Variants in PLRG1 observed in about 807,000 individuals in gnomAD.
PLRG1 encodes the protein pleiotropic regulator 1, also known as pleiotropic regulator 1 (PRL1 homolog, Arabidopsis).
In PLRG1, 28 loss-of-function variants were observed where a neutral mutation model predicts 74.9. That is an observed-to-expected ratio of 0.37 (90% CI 0.28 to 0.51). The LOEUF (loss-of-function observed/expected upper bound fraction) is 0.51. PLRG1 is among the 20% of genes least tolerant of loss of function. The probability of loss-of-function intolerance (pLI) is 0.91; values close to 1 mark genes in which losing one functional copy is unlikely to be tolerated. For synonymous variants in PLRG1, 197 were observed against 212.4 expected, an observed-to-expected ratio of 0.93 and a Z score of 0.63; for missense variants, 445 against 631.9, an observed-to-expected ratio of 0.70 and a Z score of 3.17.
chr4:154,536,781 T>C (rs1328517359), intron 14 of PLRG1, 37 bp from the exon 15 acceptor site: 1 of 1,159,352 alleles, frequency 8.6e-7, no homozygotes, highest in Non-Finnish European at 1.3e-6. Context: ...AAAGTATTAT[T>C]AGTTTGCTTC....
rs1729444026 is a variant in PLRG1 at position 154,536,116 on chromosome 4, T to G, written c.*569A>C. ...TCCCCCAGCATTTCACCTGCACCTC[T>G]GTTACAGAATTTCTATACTAAGCTA... On this transcript the variant is annotated 3_prime_UTR_variant, in exon 15 of 15. Coordinates refer to ENST00000499023, the MANE Select transcript of PLRG1 (RefSeq NM_002669.4). The G allele has an allele frequency of 6.5e-6, 1 of 153,226 alleles. No homozygotes were observed. Among genetic ancestry groups the G allele is most frequent in the South Asian group, 2.1e-4 (1 of 4,860 alleles). 9.5% of individuals were successfully genotyped at this position (153,226 alleles called of 1,614,324 possible).
At chr4:154,540,314 A>T in intron 10 of PLRG1, 1 of 581,236 alleles carries the variant, frequency 1.7e-6, no homozygotes. Flanking sequence ...TTTTAAGACT[A>T]CTGAATGAAA....
In PLRG1 at chr4:154,538,001, G is replaced by A. The variant is rs764376298; in HGVS notation, c.1259C>T (p.Thr420Met). 31 of 1,531,270 alleles carry A rather than the reference G, an allele frequency of 2.0e-5. 1 individual carries two copies. The highest frequency in any genetic ancestry group is 1.8e-4 in the Admixed American group (10 of 55,856). 94.9% of individuals were successfully genotyped at this position (1,531,270 alleles called of 1,614,324 possible). Residue 420 changes from threonine (T) to methionine (M), a missense_variant, in exon 13 of 15, where the codon ACG (threonine) becomes ATG (methionine). Coordinates refer to ENST00000499023, the MANE Select transcript of PLRG1 (RefSeq NM_002669.4). ...SGHNAIINTL[T>M]VNSDGVLVSG... The stretch of plus-strand genomic sequence containing the variant: ...TACAAGCACTCCATCAGAATTTACC[G>A]TCAATGTGTTAATAATAGCATTATG...
Position 154,550,400 on chromosome 4 carries a change from T to G in PLRG1, c.-92A>C, listed in dbSNP as rs753921506. 6.4e-6 allele frequency: 8 copies of G among 1,256,278 alleles called. No homozygotes were observed. The highest frequency in any genetic ancestry group is 8.2e-6 in the Non-Finnish European group (7 of 855,712). 77.8% of individuals were successfully genotyped at this position (1,256,278 alleles called of 1,614,324 possible). ...ACAGCTGTGCAGCACCTTCCGGAAT[T>G]GGGCGCCCAGGCGGCGGATGTGATG... On this transcript the variant is annotated 5_prime_UTR_variant, in exon 1 of 15. Coordinates refer to ENST00000499023, the MANE Select transcript of PLRG1 (RefSeq NM_002669.4).
In PLRG1 at chr4:154,538,019, G is replaced by C; in HGVS notation, c.1241C>G (p.Ala414Gly). The change falls in exon 13 of 15, where the codon GCT becomes GGT. Residue 414 changes from alanine (A) to glycine (G), a missense_variant. Transcript: ENST00000499023. ...SFIQNLSGHNAIINTLTVNSD... is the reference protein window; with the variant it reads ...SFIQNLSGHNGIINTLTVNSD... ...ATTTACCGTCAATGTGTTAATAATAGCATTATGACCGGAAAGATTTTGAAT... is the reference window on the plus strand; with the variant it reads ...ATTTACCGTCAATGTGTTAATAATACCATTATGACCGGAAAGATTTTGAAT... 6.4e-7 allele frequency: 1 copy of C among 1,555,778 alleles called. No individual in the cohort carries two copies. Among genetic ancestry groups the C allele is most frequent in the Non-Finnish European group, 8.8e-7 (1 of 1,138,458 alleles).
rs1054679572 is a variant in PLRG1 at position 154,536,746 on chromosome 4, TA to T, written c.1486-3del. The T allele has an allele frequency of 6.8e-7, 1 of 1,477,288 alleles. No individual in the cohort carries two copies. The highest frequency in any genetic ancestry group is 1.2e-5 in the South Asian group (1 of 80,750). 91.5% of individuals were successfully genotyped at this position (1,477,288 alleles called of 1,614,324 possible). Reference sequence around the variant, plus strand: ...GCTGACTGGATGAGTTTCTTCTGTCTAAAAATAGAAAAGTGAGTTAAAATAA... The same window carrying T: ...GCTGACTGGATGAGTTTCTTCTGTCTAAAATAGAAAAGTGAGTTAAAATAA... On this transcript the variant is annotated splice_region_variant and splice_polypyrimidine_tract_variant and intron_variant, in intron 14 of 14. Coordinates refer to ENST00000499023, the MANE Select transcript of PLRG1 (RefSeq NM_002669.4).
chr4:154,540,251 A>G, intron 10 of PLRG1, 198 bp from the exon 11 acceptor site: 1 of 584,542 alleles, frequency 1.7e-6, no homozygotes, highest in Non-Finnish European at 3.0e-6. Flanking sequence ...GAATTCTAAA[A>G]AGCTAAAAGA....
Position 154,542,081 on chromosome 4 carries a change from A to G in PLRG1, c.687+106T>C, listed in dbSNP as rs372240318. The G allele has an allele frequency of 7.1e-6, 5 of 708,542 alleles. No individual in the cohort carries two copies. The East Asian group carries it at 1.1e-4, about 15-fold the overall frequency. 43.9% of individuals were successfully genotyped at this position (708,542 alleles called of 1,614,324 possible). On this transcript the variant is annotated intron_variant, in intron 8 of 14. Coordinates refer to ENST00000499023, the MANE Select transcript of PLRG1 (RefSeq NM_002669.4). ...ATTTTACTCCTTATTCAGGTCTAAA[A>G]TAACAGAGGAACTGCAATAGCAATT... is the stretch of plus-strand genomic sequence containing the variant.
rs574631472 is a variant in PLRG1, at chr4:154,547,578, T to G, written c.259+133A>C. 5 of 746,450 alleles carry G rather than the reference T, an allele frequency of 6.7e-6. No individual in the cohort carries two copies. In the Admixed American group the frequency reaches 8.1e-5, roughly 12 times the overall value. 46.2% of individuals were successfully genotyped at this position (746,450 alleles called of 1,614,324 possible). A position where few individuals can be genotyped will look rare whatever the true frequency, so the allele number is the denominator to read the frequency against. On this transcript the variant is annotated intron_variant, in intron 3 of 14. Transcript: ENST00000499023. ...CCCATGAGGATCAAAACTTCCATTA[T>G]AATACAGGTACGGCCATTAAATACT...
rs1729453102 is a variant in PLRG1, at chr4:154,536,501, A to AC, written c.*183dup. 1 of 559,532 alleles carries AC rather than the reference A, an allele frequency of 1.8e-6. No homozygotes were observed. Among genetic ancestry groups the AC allele is most frequent in the Non-Finnish European group, 3.1e-6 (1 of 318,152 alleles). The allele number at this position is 559,532 out of a possible 1,614,324, so 34.7% of individuals were successfully genotyped here. A position where few individuals can be genotyped will look rare whatever the true frequency, so the allele number is the denominator to read the frequency against. On this transcript the variant is annotated 3_prime_UTR_variant, in exon 15 of 15. Coordinates refer to ENST00000499023, the MANE Select transcript of PLRG1 (RefSeq NM_002669.4). ...ATCACAAATTGTTTTAGAAATAAAA[A>AC]CACAGGGGTAGGGGACAGGGGACAG...
At chr4:154,547,639 A>C in intron 3 of PLRG1, 72 bp downstream of exon 3, 1 of 1,441,660 alleles carries the variant, frequency 6.9e-7, no homozygotes, top group Non-Finnish European at 9.7e-7. Context: ...GAGGGGCAAA[A>C]ATAACATATT....
intron 4 of PLRG1, 110 bp downstream of exon 4, chr4:154,546,901 T>C: frequency 1.2e-6 from 1 of 816,092 alleles, no homozygotes; most frequent in Non-Finnish European, 2.2e-6. Flanking sequence ...GATGCTTGGC[T>C]ACTGAGCTTA....
At position 154,538,324 on chromosome 4, in the gene PLRG1, A is replaced by C. The variant is rs116502409; in HGVS notation, c.1152-216T>G. Among the ~76,000 whole-genome samples, 359 of 152,178 alleles carry C rather than the reference A, an allele frequency of 2.4e-3. 2 individuals are homozygous for C. Among genetic ancestry groups the C allele is most frequent in the African/African-American group, 8.5e-3 (352 of 41,542 alleles). On this transcript the variant is annotated intron_variant, in intron 12 of 14. Transcript: ENST00000499023. ...AACAGTATATTTTAAGTCCTAGATT[A>C]ATGTTTTGTTCTCCTTTCATTTCCT...
chr4:154,539,298 A>C, intron 11 of PLRG1, 85 bp from the exon 12 acceptor site: 3 of 854,294 alleles, frequency 3.5e-6, no homozygotes, highest in Non-Finnish European at 5.9e-6. Flanking sequence ...CATTCTTCCA[A>C]AACACATATG....
At chr4:154,539,925 G>T in intron 11 of PLRG1, 26 bp downstream of exon 11, 1 of 1,073,106 alleles carries the variant, frequency 9.3e-7, no homozygotes, top group Non-Finnish European at 1.5e-6. Context: ...TGAATATTCT[G>T]TAAACTTGAA....
chr4:154,538,183 T>G (rs1729485667), intron 12 of PLRG1, 75 bp from the exon 13 acceptor site: 3 of 722,550 alleles, frequency 4.2e-6, no homozygotes, highest in Non-Finnish European at 6.5e-6. Flanking sequence ...AAAAGTTTAT[T>G]TCAGTTATAT....
intron 7 of PLRG1, 143 bp downstream of exon 7, chr4:154,544,301 TC>T (rs1254103773): frequency 3.8e-5 from 19 of 505,640 alleles, no homozygotes; most frequent in African/African-American, 3.2e-4. Context: ...TTTAAGATAC[TC>T]CCTACGACTC....
At chr4:154,548,584 A>G (rs1729700490) in intron 2 of PLRG1, among the ~76,000 whole-genome samples, 1 of 152,188 alleles carries the variant, frequency 6.6e-6, no homozygotes. Flanking sequence ...ATTATAAAAT[A>G]AAATACCTAA....
intron 7 of PLRG1, 53 bp downstream of exon 7, chr4:154,544,392 C>A: frequency 2.0e-6 from 2 of 1,004,976 alleles, no homozygotes; most frequent in South Asian, 1.3e-5. Flanking sequence ...CAGTGCTTGT[C>A]AACTACAAAG....
Sources: gnomAD v4.1 joint callset for allele counts (sites outside exome capture counted in the v4.1 genomes callset) on GRCh38, gnomAD v4.1.1 for gene constraint, MANE v1.5 for transcripts, NCBI Gene and HGNC (gene_info 2026-07-23, HGNC 2026-07-21) for gene names.